Variants in TEDC1 observed in about 807,000 individuals in gnomAD.
TEDC1 encodes tubulin epsilon and delta complex 1, also known as tubulin epsilon and delta complex protein 1.
TEDC1 carries 54 observed loss-of-function variants against 59.9 expected under a neutral mutation model. The ratio of observed to expected loss-of-function variants is 0.90; its 90% CI spans 0.72 to 1.13. The LOEUF is 1.13. TEDC1 is among the 50% of genes most tolerant of loss of function. The probability of loss-of-function intolerance (pLI) is 0.00; values close to 1 mark genes in which losing one functional copy is unlikely to be tolerated. For missense variants in TEDC1, 734 were observed against 683.4 expected, an observed-to-expected ratio of 1.07 and a Z score of -0.83; for synonymous variants, 353 against 298.1, an observed-to-expected ratio of 1.18 and a Z score of -1.90.
Position 105,498,657 on chromosome 14 carries a change from G to C in TEDC1, c.1199G>C (p.Arg400Pro), listed in dbSNP as rs370802481. ...CGRGPEWSAARRASREAVEKE... is the reference protein window; with the variant it reads ...CGRGPEWSAAPRASREAVEKE... Reference sequence around the variant, plus strand: ...CGGGGGCCAGAGTGGAGTGCCGCGCGGCGGGCCTCTCGGGAGGCTGTGGAA... The same window carrying C: ...CGGGGGCCAGAGTGGAGTGCCGCGCCGCGGGCCTCTCGGGAGGCTGTGGAA... The change falls in exon 9 of 9, where the codon CGG (arginine) becomes CCG (proline). Residue 400 changes from arginine to proline, a missense_variant. Transcript: ENST00000392523. 15 of 1,554,620 alleles carry C rather than the reference G, an allele frequency of 9.6e-6. No individual in the cohort carries two copies. The highest frequency in any genetic ancestry group is 1.2e-5 in the Non-Finnish European group (14 of 1,149,844).
chr14:105,496,085 C>A lies in TEDC1; in HGVS notation c.890C>A (p.Ala297Glu). ...SACSLLSPFRALLRTLERENQ... is the reference protein window; with the variant it reads ...SACSLLSPFRELLRTLERENQ... ...TGCAGCCTGCTCTCCCCTTTTAGGG[C>A]GGTAAGTCGGGGAGGCTGGCAGGGA... Residue 297 changes from alanine (A) to glutamate (E), a missense_variant and splice_region_variant, in exon 6 of 9, where the codon GCG becomes GAG. By Grantham distance (107) the Ala-to-Glu change is moderately radical. Coordinates refer to ENST00000392523, the MANE Select transcript of TEDC1 (RefSeq NM_001367178.1). The A allele has an allele frequency of 1.7e-6, 2 of 1,194,062 alleles. No individual in the cohort carries two copies. Among genetic ancestry groups the A allele is most frequent in the Non-Finnish European group, 2.1e-6 (2 of 939,562 alleles). The allele number at this position is 1,194,062 out of a possible 1,614,324, so 74.0% of individuals were successfully genotyped here. A position where few individuals can be genotyped will look rare whatever the true frequency, so the allele number is the denominator to read the frequency against.
chr14:105,496,591 C>G (rs1555440489), intron 6 of TEDC1: 1 of 172,336 alleles, frequency 5.8e-6, no homozygotes, highest in Non-Finnish European at 1.2e-5. Context: ...GGTCCCCTTG[C>G]CCCGGGCCCA....
Position 105,493,885 on chromosome 14 carries a change from G to T in TEDC1, c.636G>T (p.Leu212=), listed in dbSNP as rs781804769. 1.3e-6 allele frequency: 2 copies of T among 1,597,228 alleles called. No homozygotes were observed. The highest frequency in any genetic ancestry group is 1.7e-4 in the Middle Eastern group (1 of 6,020). ...ACAGCGACCAGAGCCTTAGCCATCT[G>T]TCTGTCACTGAAGCAGAGATGCTCA... is the stretch of plus-strand genomic sequence containing the variant. ...GCHSDQSLSH[L]SVTEAEMLRD... is the part of the protein sequence containing the mutation. The change falls in exon 5 of 9, where the codon CTG becomes CTT. Residue 212 remains leucine, a synonymous_variant. Coordinates refer to ENST00000392523, the MANE Select transcript of TEDC1 (RefSeq NM_001367178.1).
chr14:105,494,299 G>A, intron 5 of TEDC1: 2 of 315,008 alleles, frequency 6.3e-6, no homozygotes, highest in Non-Finnish European at 1.2e-5. Context: ...CACTTGGTGT[G>A]TCAGGGGGCA....
At position 105,497,460 on chromosome 14, in the gene TEDC1, A is replaced by G. The variant is rs1464372328; in HGVS notation, c.978+17A>G. ...CGGTGGATGGTGAGGAAGCCCGCGC[A>G]TCCCTCTCCCGGCATCCCTTCCCAC... On this transcript the variant is annotated intron_variant, in intron 7 of 8. Coordinates refer to ENST00000392523, the MANE Select transcript of TEDC1 (RefSeq NM_001367178.1). 3.9e-6 allele frequency: 6 copies of G among 1,541,554 alleles called. No individual in the cohort carries two copies. Among genetic ancestry groups the G allele is most frequent in the Non-Finnish European group, 5.2e-6 (6 of 1,146,448 alleles).
At chr14:105,491,750 C>T in intron 2 of TEDC1, 50 bp downstream of exon 2, 4 of 1,517,734 alleles carry the variant, frequency 2.6e-6, no homozygotes, top group Non-Finnish European at 3.5e-6. Context: ...GCCCCGCCTA[C>T]TCCTGTAAAG....
At chr14:105,490,899 G>A (rs1555439075), upstream of TEDC1, 1 of 930,570 alleles carries the variant, frequency 1.1e-6, no homozygotes. Context: ...CTGATGGGTG[G>A]GGTCTGAGCG....
chr14:105,492,408 C>T (rs2084236644), intron 3 of TEDC1, 99 bp downstream of exon 3: 1 of 1,534,824 alleles, frequency 6.5e-7, no homozygotes. Flanking sequence ...TGCTTTGCTC[C>T]TCAGGGCAGT....
intron 2 of TEDC1, 70 bp downstream of exon 2, chr14:105,491,770 C>A: frequency 1.4e-6 from 2 of 1,456,774 alleles, no homozygotes. Flanking sequence ...GCCCCGCCTT[C>A]CCCAGTAAGC....
chr14:105,491,349 G>A lies in TEDC1; in HGVS notation c.-27G>A. 2 of 1,460,540 alleles carry A rather than the reference G, an allele frequency of 1.4e-6. No individual in the cohort carries two copies. Among genetic ancestry groups the A allele is most frequent in the Non-Finnish European group, 1.8e-6 (2 of 1,111,248 alleles). The allele number at this position is 1,460,540 out of a possible 1,614,324, so 90.5% of individuals were successfully genotyped here. A position where few individuals can be genotyped will look rare whatever the true frequency, so the allele number is the denominator to read the frequency against. On this transcript the variant is annotated 5_prime_UTR_variant, in exon 1 of 9. Coordinates refer to ENST00000392523, the MANE Select transcript of TEDC1 (RefSeq NM_001367178.1). ...GCCCCGGGCCGCGGCGGAGGCGGGC[G>A]ATCCGAAAGAGGCTGGTGCTGGCTG...
chr14:105,496,151 GC>G, intron 6 of TEDC1, 65 bp downstream of exon 6: 1 of 784,790 alleles, frequency 1.3e-6, no homozygotes, highest in South Asian at 2.2e-5. Flanking sequence ...GGAGGGGGTG[GC>G]GAGGGGGTGT....
At chr14:105,498,434 A>G (rs1345542737) in intron 8 of TEDC1, among the ~76,000 whole-genome samples, 183 bp from the exon 9 acceptor site, 2 of 152,208 alleles carry the variant, frequency 1.3e-5, no homozygotes, top group African/African-American at 2.4e-5. Flanking sequence ...TTTTCTGAAG[A>G]GTTTTAACTT....
chr14:105,497,251 A>G, intron 6 of TEDC1, 106 bp from the exon 7 acceptor site: 1 of 1,113,862 alleles, frequency 9.0e-7, no homozygotes, highest in Non-Finnish European at 1.3e-6. Flanking sequence ...GCGGGGCGTG[A>G]GCTAGGCGTT....
intron 6 of TEDC1, chr14:105,496,521 C>CG (rs1349050455): frequency 2.1e-5 from 4 of 193,980 alleles, no homozygotes; most frequent in Non-Finnish European, 4.3e-5. Flanking sequence ...TCTGGGTTCC[C>CG]GGGGGAAGCA....
In TEDC1 at chr14:105,497,420, G is replaced by C. The variant is rs1555440654; in HGVS notation, c.955G>C (p.Glu319Gln). 1 of 1,550,488 alleles carries C rather than the reference G, an allele frequency of 6.4e-7. No individual in the cohort carries two copies. Residue 319 changes from glutamate to glutamine, a missense_variant, in exon 7 of 9, where the codon GAG (glutamate) becomes CAG (glutamine). Glu to Gln is a conservative substitution (Grantham distance 29). Coordinates refer to ENST00000392523, the MANE Select transcript of TEDC1 (RefSeq NM_001367178.1). ...LEAVLAWRRS[E>Q]LVFWRWMDTV... ...GGCTGTCCTGGCGTGGCGGCGCTCT[G>C]AGCTGGTCTTCTGGCGGTGGATGGT...
intron 6 of TEDC1, 47 bp downstream of exon 6, chr14:105,496,133 G>GT: frequency 9.4e-7 from 1 of 1,061,694 alleles, no homozygotes; most frequent in Non-Finnish European, 1.3e-6. Context: ...AGGACTTGGG[G>GT]GTGGGTGGGA....
rs782601510 is a variant in TEDC1, at chr14:105,493,832, T to A, written c.586-3T>A. ...AGCCTGGGGTCTGCACTACCTGTTT[T>A]AGATCCACCTGTACACACGCGGCTG... is the stretch of plus-strand genomic sequence containing the variant. On this transcript the variant is annotated splice_region_variant and splice_polypyrimidine_tract_variant and intron_variant, in intron 4 of 8. Transcript: ENST00000392523. The A allele has an allele frequency of 6.2e-7, 1 of 1,605,770 alleles. No homozygotes were observed. The highest frequency in any genetic ancestry group is 8.5e-7 in the Non-Finnish European group (1 of 1,178,394).
chr14:105,491,340 G>A lies in TEDC1; in HGVS notation c.-36G>A. The A allele has an allele frequency of 1.4e-6, 2 of 1,462,336 alleles. No individual in the cohort carries two copies. Among genetic ancestry groups the A allele is most frequent in the Non-Finnish European group, 1.8e-6 (2 of 1,112,028 alleles). The allele number at this position is 1,462,336 out of a possible 1,614,324, so 90.6% of individuals were successfully genotyped here. Reference sequence around the variant, plus strand: ...TGGACGCAGGCCCCGGGCCGCGGCGGAGGCGGGCGATCCGAAAGAGGCTGG... The same window carrying A: ...TGGACGCAGGCCCCGGGCCGCGGCGAAGGCGGGCGATCCGAAAGAGGCTGG... On this transcript the variant is annotated 5_prime_UTR_variant, in exon 1 of 9. Transcript: ENST00000392523.
rs980275879 is a variant in TEDC1, at chr14:105,495,847, G to T, written c.685-33G>T. The T allele has an allele frequency of 5.3e-6, 8 of 1,503,396 alleles. No individual in the cohort carries two copies. The Admixed American group carries it at 1.4e-4, about 26-fold the overall frequency. 93.1% of individuals were successfully genotyped at this position (1,503,396 alleles called of 1,614,324 possible). On this transcript the variant is annotated intron_variant, in intron 5 of 8. Transcript: ENST00000392523. The stretch of plus-strand genomic sequence containing the variant: ...CGAAGCTGTGTGCGGCACTGGCCAG[G>T]TGGACTGGGGCCATGGCTGGCTTCC...
Sources: allele counts gnomAD v4.1 joint callset (sites outside exome capture counted in the v4.1 genomes callset), GRCh38; gene constraint gnomAD v4.1.1; transcripts MANE v1.5; gene names NCBI Gene and HGNC (gene_info 2026-07-23, HGNC 2026-07-21).